The following TRPM3 variants were observed in gnomAD, a reference collection of about 807,000 sequenced individuals.
TRPM3 encodes the protein transient receptor potential cation channel subfamily M member 3.
Under a neutral mutation model 181.2 loss-of-function variants are expected in TRPM3, and 77 were observed. That is an observed-to-expected ratio of 0.42 (90% CI 0.35 to 0.51). The LOEUF (loss-of-function observed/expected upper bound fraction) is 0.51, where lower values mean the gene tolerates loss of function less well. TRPM3 is among the 20% of genes least tolerant of loss of function. The pLI is 0.01. For synonymous variants in TRPM3, 745 were observed against 796.4 expected, an observed-to-expected ratio of 0.94 and a Z score of 1.09; for missense variants, 1,759 against 2,196.7, an observed-to-expected ratio of 0.80 and a Z score of 3.98.
chr9:71,397,353 T>TAA (rs1378871620), intron 1 of TRPM3, among the ~76,000 whole-genome samples: 1 of 152,202 alleles, frequency 6.6e-6, no homozygotes, highest in Non-Finnish European at 1.5e-5. Flanking sequence ...AGTATAATTG[T>TAA]ATTTCTCTAT....
At chr9:71,103,914 C>A (rs890558350) in intron 1 of TRPM3, among the ~76,000 whole-genome samples, 2 of 150,380 alleles carry the variant, frequency 1.3e-5, no homozygotes, top group Non-Finnish European at 3.0e-5. Flanking sequence ...ACCCATGCAG[C>A]AATCCTTTTT....
chr9:71,385,300 A>C (rs1360888219), intron 1 of TRPM3, among the ~76,000 whole-genome samples: 1 of 152,220 alleles, frequency 6.6e-6, no homozygotes, highest in Non-Finnish European at 1.5e-5. Context: ...ACTATTTAGA[A>C]AAAAGAACAC....
intron 22 of TRPM3, among the ~76,000 whole-genome samples, chr9:70,565,500 T>C (rs1420951318): frequency 6.6e-6 from 1 of 152,002 alleles, no homozygotes; most frequent in Non-Finnish European, 1.5e-5. Context: ...GCCATGTTGG[T>C]CAGGCTGGTC....
At chr9:71,351,454 A>G (rs1435335457) in intron 1 of TRPM3, among the ~76,000 whole-genome samples, 2 of 152,258 alleles carry the variant, frequency 1.3e-5, no homozygotes, top group Non-Finnish European at 1.5e-5. Context: ...ATAAATGGCA[A>G]AAACTGAATG....
At chr9:71,016,953 G>T (rs2097789915) in intron 1 of TRPM3, among the ~76,000 whole-genome samples, 1 of 152,044 alleles carries the variant, frequency 6.6e-6, no homozygotes, top group African/African-American at 2.4e-5. Flanking sequence ...TGTAGAAAGT[G>T]GTATCTCACT....
chr9:71,340,340 G>C (rs901470853), intron 1 of TRPM3, among the ~76,000 whole-genome samples: 2 of 152,122 alleles, frequency 1.3e-5, no homozygotes, highest in Non-Finnish European at 2.9e-5. Flanking sequence ...GTATGTGTGT[G>C]AATGCATGGA....
intron 25 of TRPM3, among the ~76,000 whole-genome samples, chr9:70,547,387 G>A (rs1346149572): frequency 6.6e-6 from 1 of 151,906 alleles, no homozygotes; most frequent in African/African-American, 2.4e-5. Flanking sequence ...ACTCAGAAAG[G>A]ACATGTTCTA....
At chr9:71,086,666 C>A (rs1218693132) in intron 1 of TRPM3, among the ~76,000 whole-genome samples, 1 of 151,984 alleles carries the variant, frequency 6.6e-6, no homozygotes, top group Non-Finnish European at 1.5e-5. Flanking sequence ...TGCAAACTTT[C>A]TATGCAATTC....
chr9:71,137,661 G>A (rs2074849762), intron 1 of TRPM3, among the ~76,000 whole-genome samples: 1 of 152,142 alleles, frequency 6.6e-6, no homozygotes, highest in East Asian at 1.9e-4. Flanking sequence ...ACCCTCATCA[G>A]TTTCTTATTT....
intron 1 of TRPM3, among the ~76,000 whole-genome samples, chr9:71,161,996 G>A (rs1326878049): frequency 1.3e-5 from 2 of 151,908 alleles, no homozygotes; most frequent in Admixed American, 6.6e-5. Context: ...GAGGTCATGA[G>A]TTCGAGACCA....
intron 1 of TRPM3, among the ~76,000 whole-genome samples, chr9:71,148,025 T>C (rs1474951153): frequency 6.6e-6 from 1 of 152,026 alleles, no homozygotes; most frequent in Admixed American, 6.6e-5. Flanking sequence ...CCTCTCATGG[T>C]ACTCTATCTA....
chr9:70,671,874 C>T (rs368910588), intron 9 of TRPM3, among the ~76,000 whole-genome samples: 7 of 152,012 alleles, frequency 4.6e-5, no homozygotes, highest in African/African-American at 1.7e-4. Flanking sequence ...AGCGTTTCTC[C>T]TGCCTCAGCC....
At chr9:71,425,863 T>C (rs2131579516) in intron 1 of TRPM3, among the ~76,000 whole-genome samples, 1 of 152,230 alleles carries the variant, frequency 6.6e-6, no homozygotes, top group South Asian at 2.1e-4. Context: ...AGCCTATTAA[T>C]CTCTTAGTTC....
At chr9:70,807,787 G>A (rs2091027898) in intron 6 of TRPM3, among the ~76,000 whole-genome samples, 1 of 152,134 alleles carries the variant, frequency 6.6e-6, no homozygotes, top group African/African-American at 2.4e-5. Flanking sequence ...ATAGAGCACA[G>A]CAAGAGCATG....
chr9:70,869,095 G>GC (rs2095726934), intron 1 of TRPM3: 4 of 974,480 alleles, frequency 4.1e-6, no homozygotes, highest in Non-Finnish European at 1.2e-6. Context: ...TCTTATGACC[G>GC]CCCACTGGAA....
At position 71,241,959 on chromosome 9, in the gene TRPM3, G is replaced by T. The variant is rs1241004222; in HGVS notation, c.183+204694C>A. Among the ~76,000 whole-genome samples the T allele has an allele frequency of 5.3e-5, 8 of 152,334 alleles. No individual in the cohort carries two copies. In the East Asian group the frequency reaches 7.7e-4, roughly 15 times the overall value. ...ATTTAATTAGATATCCAGCAGCAAT[G>T]GTCATTGTGCCAGTGGGCACAGAGA... On this transcript the variant is annotated intron_variant, in intron 1 of 24. Transcript: ENST00000357533.
At chr9:70,811,308 C>T (rs2091989386) in intron 6 of TRPM3, 1 of 1,362,002 alleles carries the variant, frequency 7.3e-7, no homozygotes, top group African/African-American at 1.5e-5. Context: ...TTTATTAAAG[C>T]AGATGGATTA....
upstream of TRPM3, among the ~76,000 whole-genome samples, chr9:71,124,633 A>T (rs910862063): frequency 2.0e-5 from 3 of 152,158 alleles, no homozygotes; most frequent in African/African-American, 7.2e-5. Flanking sequence ...ATCATGATGA[A>T]ATTTGAGCTC....
intron 1 of TRPM3, among the ~76,000 whole-genome samples, chr9:70,961,486 A>T (rs2993002): frequency 0.49 from 75,161 of 151,928 alleles, 18,796 homozygotes; most frequent in Middle Eastern, 0.52. Flanking sequence ...AGGTAAAGCC[A>T]TGCTTGTTCA....
Sources: gnomAD v4.1 joint callset for allele counts (sites outside exome capture counted in the v4.1 genomes callset) on GRCh38, gnomAD v4.1.1 for gene constraint, MANE v1.5 for transcripts, NCBI Gene and HGNC (gene_info 2026-07-23, HGNC 2026-07-21) for gene names.